Variants in FAM169A observed in about 807,000 individuals in gnomAD.
The protein encoded by FAM169A is soluble lamin-associated protein of 75 kDa.
Under a neutral mutation model 75.7 loss-of-function variants are expected in FAM169A, and 24 were observed. The ratio of observed to expected loss-of-function variants is 0.32; its 90% confidence interval spans 0.23 to 0.45. FAM169A has a LOEUF of 0.45. Ranked by LOEUF, FAM169A falls within the 20% of genes least tolerant of loss-of-function variation. FAM169A has a pLI of 1.00. For synonymous variants in FAM169A, 271 were observed against 271.0 expected (o/e 1.00, Z 0.00); for missense variants, 673 against 784.0 (o/e 0.86, Z 1.69).
intron 1 of FAM169A, among the ~76,000 whole-genome samples, chr5:74,847,642 C>T (rs1749224340): frequency 6.6e-6 from 1 of 152,066 alleles, no homozygotes; most frequent in African/African-American, 2.4e-5. Context: ...TGAATATAAT[C>T]TAAAAATATC....
chr5:74,815,142 A>G (rs895584050), intron 5 of FAM169A, among the ~76,000 whole-genome samples: 1 of 152,032 alleles, frequency 6.6e-6, no homozygotes, highest in African/African-American at 2.4e-5. Flanking sequence ...TTAAATTTAG[A>G]ATAGGTAATG....
At chr5:74,828,725 C>T (rs1348560656) in intron 5 of FAM169A, among the ~76,000 whole-genome samples, 2 of 152,168 alleles carry the variant, frequency 1.3e-5, no homozygotes, top group Admixed American at 1.3e-4. Context: ...CATAATCTAC[C>T]CTTTTCCCAG....
chr5:74,823,775 C>A (rs1236822704), intron 5 of FAM169A, among the ~76,000 whole-genome samples: 3 of 152,184 alleles, frequency 2.0e-5, no homozygotes, highest in African/African-American at 7.2e-5. Flanking sequence ...TGCCTTTGCA[C>A]ATTTCCCAAA....
chr5:74,822,945 C>G (rs1170194781), intron 5 of FAM169A, among the ~76,000 whole-genome samples: 2 of 152,114 alleles, frequency 1.3e-5, no homozygotes, highest in Non-Finnish European at 2.9e-5. Flanking sequence ...CACACTCTGT[C>G]CACCTGAAAC....
intron 6 of FAM169A, among the ~76,000 whole-genome samples, chr5:74,805,524 CTTTT>C (rs1194674402): frequency 1.6e-3 from 129 of 81,910 alleles, no homozygotes; most frequent in African/African-American, 6.6e-3. Context: ...ATGTGCTTCG[CTTTT>C]TTTTTTTTTT....
chr5:74,856,589 A>G (rs16872347), intron 1 of FAM169A, among the ~76,000 whole-genome samples: 3 of 151,876 alleles, frequency 2.0e-5, no homozygotes, highest in Non-Finnish European at 4.4e-5. Flanking sequence ...AAAATAAAAT[A>G]CACTACATTG....
chr5:74,820,517 C>T (rs558936780), intron 5 of FAM169A, among the ~76,000 whole-genome samples: 1 of 152,238 alleles, frequency 6.6e-6, no homozygotes, highest in Admixed American at 6.5e-5. Flanking sequence ...ACTCTTCCTT[C>T]ACAGCCCACG....
intron 11 of FAM169A, among the ~76,000 whole-genome samples, chr5:74,786,279 C>T (rs996851095): frequency 3.3e-5 from 5 of 152,148 alleles, no homozygotes; most frequent in Admixed American, 6.5e-5. Flanking sequence ...ATACATCTGT[C>T]CTATTAGTTC....
chr5:74,812,068 T>C (rs934753796), intron 6 of FAM169A, among the ~76,000 whole-genome samples: 2 of 152,204 alleles, frequency 1.3e-5, no homozygotes, highest in African/African-American at 4.8e-5. Context: ...CAACAAGCCA[T>C]TTCTCATGGA....
chr5:74,840,912 T>G (rs1230587636), intron 2 of FAM169A, among the ~76,000 whole-genome samples: 1 of 152,170 alleles, frequency 6.6e-6, no homozygotes, highest in Non-Finnish European at 1.5e-5. Flanking sequence ...AACATTTTTT[T>G]GCCTTCATTT....
chr5:74,785,697 G>C (rs573108296), intron 11 of FAM169A, among the ~76,000 whole-genome samples: 80 of 152,210 alleles, frequency 5.3e-4, no homozygotes, highest in Non-Finnish European at 9.0e-4. Context: ...AGGAGGTGGA[G>C]GTTGTAGTGA....
chr5:74,797,201 G>A (rs1405403197), intron 10 of FAM169A, among the ~76,000 whole-genome samples: 1 of 152,114 alleles, frequency 6.6e-6, no homozygotes, highest in African/African-American at 2.4e-5. Flanking sequence ...TTTTGAGACA[G>A]GGTCTCCCTC....
At chr5:74,794,372 C>A (rs540324820) in intron 11 of FAM169A, among the ~76,000 whole-genome samples, 2 of 145,760 alleles carry the variant, frequency 1.4e-5, no homozygotes, top group African/African-American at 5.1e-5. Flanking sequence ...CCAGGCTGGA[C>A]AACAGAGTGA....
intron 5 of FAM169A, among the ~76,000 whole-genome samples, chr5:74,818,281 A>C (rs1204957126): frequency 6.6e-6 from 1 of 152,174 alleles, no homozygotes; most frequent in African/African-American, 2.4e-5. Context: ...TATCTAACAC[A>C]TATGAAGGGC....
intron 4 of FAM169A, among the ~76,000 whole-genome samples, chr5:74,836,850 A>C (rs1053920619): frequency 6.6e-6 from 1 of 152,078 alleles, no homozygotes; most frequent in African/African-American, 2.4e-5. Flanking sequence ...CGGGAGGCTA[A>C]GGCAGGAGAA....
chr5:74,823,441 T>C (rs1580128386), intron 5 of FAM169A, among the ~76,000 whole-genome samples: 1 of 152,346 alleles, frequency 6.6e-6, no homozygotes, highest in African/African-American at 2.4e-5. Context: ...AGTTAACTAC[T>C]TGCTTTCAAA....
In FAM169A at chr5:74,796,092, C is replaced by T; in HGVS notation, c.1198G>A (p.Asp400Asn). The change falls in exon 11 of 13, where the codon GAT becomes AAT. Residue 400 changes from aspartate to asparagine, a missense_variant. Around this residue, in one of 3 missense-constraint regions of FAM169A, gnomAD observed 510 missense variants for 550.9 expected, o/e 0.93. Transcript: ENST00000687041. ...RGIEFEDESS[D>N]RDARPALETQ... ...TCCAGTGCTGGCCGTGCATCTCTATCACTGCTTTCATCCTCAAATTCAATC... is the reference window on the plus strand; with the variant it reads ...TCCAGTGCTGGCCGTGCATCTCTATTACTGCTTTCATCCTCAAATTCAATC... The T allele has an allele frequency of 6.2e-7, 1 of 1,614,120 alleles. No individual in the cohort carries two copies. The highest frequency in any genetic ancestry group is 8.5e-7 in the Non-Finnish European group (1 of 1,180,002).
chr5:74,860,822 A>G, intron 1 of FAM169A, among the ~76,000 whole-genome samples: 1 of 142,738 alleles, frequency 7.0e-6, no homozygotes, highest in Admixed American at 7.0e-5. Context: ...AATGCAATGT[A>G]GCACTAAAAA....
chr5:74,836,229 G>C (rs1381654660), intron 4 of FAM169A, among the ~76,000 whole-genome samples: 1 of 152,116 alleles, frequency 6.6e-6, no homozygotes, highest in Non-Finnish European at 1.5e-5. Context: ...ACGTACTGTT[G>C]TTTCAGTTTG....
Sources: allele counts gnomAD v4.1 joint callset (sites outside exome capture counted in the v4.1 genomes callset), GRCh38; gene constraint gnomAD v4.1.1; regional missense constraint gnomAD v4.1.1; transcripts MANE v1.5; gene names NCBI Gene and HGNC (gene_info 2026-07-23, HGNC 2026-07-21).